EFHC2: variants seen among roughly 807,000 people sequenced by gnomAD.
EFHC2 encodes EF-hand domain containing 2.
A neutral mutation model predicts 52.7 loss-of-function variants in EFHC2; 18 were observed. The observed-to-expected ratio is 0.34, with a 90% CI of 0.24 to 0.51. The LOEUF is 0.51. Ranked by LOEUF, EFHC2 falls within the 20% of genes least tolerant of loss-of-function variation. The pLI, the probability that EFHC2 is intolerant of heterozygous loss-of-function variation, is 0.97. For synonymous variants in EFHC2, 203 were observed against 204.1 expected (o/e 0.99, Z 0.04); for missense variants, 513 against 562.5 (o/e 0.91, Z 0.89).
At position 44,235,295 on chromosome X, in the gene EFHC2, T is replaced by C. The variant is rs1185879638; in HGVS notation, c.1423+10A>G. ...TCTCAAGAAAATACTGTGAAGAGTA[T>C]ATCTCTTACCTGAATTCCTCTCTAT... On this transcript the variant is annotated intron_variant, in intron 9 of 14. Coordinates refer to ENST00000420999, the MANE Select transcript of EFHC2 (RefSeq NM_025184.4). 2 of 1,151,489 alleles carry C rather than the reference T, an allele frequency of 1.7e-6. No individual in the cohort carries two copies. The highest frequency in any genetic ancestry group is 5.4e-5 in the Admixed American group (2 of 37,357). 94.9% of individuals were successfully genotyped at this position (1,151,489 alleles called of 1,213,427 possible).
rs373265450 is a variant in EFHC2, at chrX:44,207,821, C to T, written c.1751+21828G>A. Among the ~76,000 whole-genome samples, 13 of 111,806 alleles carry T rather than the reference C, an allele frequency of 1.2e-4. No individual in the cohort carries two copies. The East Asian group carries it at 1.7e-3, about 15-fold the overall frequency. On this transcript the variant is annotated intron_variant, in intron 11 of 14. Coordinates refer to ENST00000420999, the MANE Select transcript of EFHC2 (RefSeq NM_025184.4). The stretch of plus-strand genomic sequence containing the variant: ...CAACAACAACAACAACAACAACATT[C>T]GAAAGTGGGCAAAGAACATGAACAG...
At chrX:44,314,159 A>T (rs924795560) in intron 1 of EFHC2, among the ~76,000 whole-genome samples, 3 of 111,994 alleles carry the variant, frequency 2.7e-5, no homozygotes, top group African/African-American at 9.7e-5. Flanking sequence ...ATAAATGAAC[A>T]CTCATATGCC....
chrX:44,319,428 G>A (rs2038003806), intron 1 of EFHC2, among the ~76,000 whole-genome samples: 1 of 111,291 alleles, frequency 9.0e-6, no homozygotes, highest in Non-Finnish European at 1.9e-5. Context: ...ACAAACACCC[G>A]GGCCTCACTC....
chrX:44,159,744 G>A (rs1395051060), intron 14 of EFHC2, among the ~76,000 whole-genome samples: 2 of 112,739 alleles, frequency 1.8e-5, no homozygotes, highest in Non-Finnish European at 3.7e-5. Context: ...CTGAAGCACA[G>A]CTGTTTCTGA....
rs373600549 is a variant in EFHC2 at position 44,242,157 on chromosome X, T to C, written c.1244A>G (p.His415Arg). Residue 415 changes from histidine (H) to arginine (R), a missense_variant, in exon 8 of 15, where the codon CAT (histidine) becomes CGT (arginine). Transcript: ENST00000420999. ...RNCIDLKPTP[H>R]RRNFKKFMEK... ...CATAAACTTCTTGAAGTTCCTCCGA[T>C]GAGGTGTGGGCTTGAGGTCTATGCA... 8.3e-7 allele frequency: 1 copy of C among 1,198,580 alleles called. No homozygotes were observed. The highest frequency in any genetic ancestry group is 1.8e-5 in the African/African-American group (1 of 56,719).
intron 11 of EFHC2, among the ~76,000 whole-genome samples, chrX:44,214,634 G>T (rs2037129545): frequency 8.9e-6 from 1 of 112,033 alleles, no homozygotes; most frequent in African/African-American, 3.2e-5. Flanking sequence ...GAAGAGAAAG[G>T]AATTCTCTAG....
At chrX:44,306,063 G>A (rs1011182419) in intron 2 of EFHC2, among the ~76,000 whole-genome samples, 4 of 110,934 alleles carry the variant, frequency 3.6e-5, no homozygotes, top group Admixed American at 2.9e-4. Context: ...CAAAGAGATC[G>A]TGCTCTGGTG....
At chrX:44,150,001 G>GTA (rs1399427423) in intron 14 of EFHC2, among the ~76,000 whole-genome samples, 1 of 111,578 alleles carries the variant, frequency 9.0e-6, no homozygotes, top group Non-Finnish European at 1.9e-5. Context: ...ATAAATACGT[G>GTA]TATATACACA....
intron 2 of EFHC2, among the ~76,000 whole-genome samples, chrX:44,287,378 A>T (rs1226870731): frequency 8.9e-6 from 1 of 111,770 alleles, no homozygotes. Flanking sequence ...TGCAAGTATT[A>T]TACTCTGCAG....
At chrX:44,233,746 G>A (rs1859427872) in intron 9 of EFHC2, among the ~76,000 whole-genome samples, 1 of 111,436 alleles carries the variant, frequency 9.0e-6, no homozygotes, top group Admixed American at 9.5e-5. Context: ...TACTTCTCAG[G>A]TCGCCTATAG....
chrX:44,163,092 C>T (rs1427022228), intron 14 of EFHC2, among the ~76,000 whole-genome samples: 1 of 112,341 alleles, frequency 8.9e-6, no homozygotes, highest in African/African-American at 3.2e-5. Context: ...CTACTACTTT[C>T]CCCCAACCAT....
At chrX:44,257,817 G>A (rs140489883) in intron 4 of EFHC2, among the ~76,000 whole-genome samples, 2,685 of 111,733 alleles carry the variant, frequency 0.024, 60 homozygotes, top group Admixed American at 0.09. Context: ...AAAAGAGCTC[G>A]TATAGCCAAG....
intron 13 of EFHC2, among the ~76,000 whole-genome samples, chrX:44,168,871 C>G (rs1295642237): frequency 1.8e-5 from 2 of 110,716 alleles, no homozygotes; most frequent in Non-Finnish European, 3.8e-5. Flanking sequence ...TGGGGATTCT[C>G]TAATAAAATG....
At chrX:44,255,521 CAAAG>C (rs1419510442) in intron 4 of EFHC2, among the ~76,000 whole-genome samples, 2 of 111,424 alleles carry the variant, frequency 1.8e-5, no homozygotes, top group Non-Finnish European at 3.8e-5. Flanking sequence ...TCAAAAAAGA[CAAAG>C]AAGGGCATTT....
rs774102591 is a variant in EFHC2 at position 44,202,367 on chromosome X, G to C, written c.1752-23803C>G. On this transcript the variant is annotated intron_variant, in intron 11 of 14. Coordinates refer to ENST00000420999, the MANE Select transcript of EFHC2 (RefSeq NM_025184.4). ...GCGGAGGCTGTAGTGAGCGGAGATCGCTCCATTGCACTCCAGCCTGGGCGA... is the reference window on the plus strand; with the variant it reads ...GCGGAGGCTGTAGTGAGCGGAGATCCCTCCATTGCACTCCAGCCTGGGCGA... Among the ~76,000 whole-genome samples the C allele has an allele frequency of 2.7e-5, 3 of 111,264 alleles. No individual in the cohort carries two copies. In the South Asian group the frequency reaches 1.1e-3, roughly 42 times the overall value.
At chrX:44,208,326 T>C (rs1219777640) in intron 11 of EFHC2, among the ~76,000 whole-genome samples, 1 of 112,218 alleles carries the variant, frequency 8.9e-6, no homozygotes, top group Non-Finnish European at 1.9e-5. Context: ...AGTGAAATCA[T>C]GTCCTATGCA....
chrX:44,288,416 T>G (rs2037768618), intron 2 of EFHC2, among the ~76,000 whole-genome samples: 1 of 108,895 alleles, frequency 9.2e-6, no homozygotes, highest in South Asian at 3.8e-4. Flanking sequence ...AAAGTAAAAA[T>G]TAAAAAAAAA....
chrX:44,297,246 C>T (rs2037832722), intron 2 of EFHC2, among the ~76,000 whole-genome samples: 1 of 111,421 alleles, frequency 9.0e-6, no homozygotes, highest in Admixed American at 9.5e-5. Context: ...ACTGAAAAGC[C>T]TTGTTCTTTC....
intron 11 of EFHC2, among the ~76,000 whole-genome samples, chrX:44,219,436 G>A (rs1414064061): frequency 9.0e-6 from 1 of 111,466 alleles, no homozygotes; most frequent in Non-Finnish European, 1.9e-5. Flanking sequence ...GGTAACTGAT[G>A]TCTATGATTT....
Sources: gnomAD v4.1 joint callset for allele counts (sites outside exome capture counted in the v4.1 genomes callset) on GRCh38, gnomAD v4.1.1 for gene constraint, MANE v1.5 for transcripts, NCBI Gene and HGNC (gene_info 2026-07-23, HGNC 2026-07-21) for gene names.